TGIF1: variants seen among roughly 807,000 people sequenced by gnomAD.
TGIF1 encodes the protein TGFB induced factor homeobox 1.
A neutral mutation model predicts 19.3 loss-of-function variants in TGIF1; 4 were observed. The ratio of observed to expected loss-of-function variants is 0.21; its 90% CI spans 0.10 to 0.47. The LOEUF (loss-of-function observed/expected upper bound fraction) is 0.47, where lower values mean the gene tolerates loss of function less well. TGIF1 is among the 20% of genes least tolerant of loss of function. The pLI is 0.98. For missense variants in TGIF1, 275 were observed against 341.4 expected, an observed-to-expected ratio of 0.81 and a Z score of 1.53; for synonymous variants, 122 against 129.3, an observed-to-expected ratio of 0.94 and a Z score of 0.38.
At chr18:3,449,804 G>A (rs2082842702), upstream of TGIF1, 8 of 985,066 alleles carry the variant, frequency 8.1e-6, no homozygotes, top group Non-Finnish European at 9.6e-6. Flanking sequence ...GGGTGGAGGA[G>A]GGAAGGAGGG....
In TGIF1 at chr18:3,451,770, T is replaced by C; in HGVS notation, c.16+1265T>C. 2 of 1,254,816 alleles carry C rather than the reference T, an allele frequency of 1.6e-6. No homozygotes were observed. Among genetic ancestry groups the C allele is most frequent in the South Asian group, 3.5e-5 (1 of 28,566 alleles). 77.7% of individuals were successfully genotyped at this position (1,254,816 alleles called of 1,614,324 possible). ...TGAAACTCGGATCAACTGGCAGTCGTTGTTGGTAGAACGCCCTAAGGACCC... is the reference window on the plus strand; with the variant it reads ...TGAAACTCGGATCAACTGGCAGTCGCTGTTGGTAGAACGCCCTAAGGACCC... On this transcript the variant is annotated intron_variant, in intron 1 of 2. Coordinates refer to ENST00000343820, the MANE Select transcript of TGIF1 (RefSeq NM_003244.4). The surrounding 1 kb of genome is among the most constrained non-coding windows in gnomAD (Gnocchi z 5.4).
In TGIF1 at chr18:3,451,477, C is replaced by T; in HGVS notation, c.16+972C>T. On this transcript the variant is annotated intron_variant, in intron 1 of 2. Coordinates refer to ENST00000343820, the MANE Select transcript of TGIF1 (RefSeq NM_003244.4). The surrounding 1 kb of genome is among the most constrained non-coding windows in gnomAD (Gnocchi z 5.4). ...GTGTTCCGCTGTGGGCTGGAGGTGG[C>T]GTTTCTGTCGTGATTTATGTGGAGT... 1 of 987,872 alleles carries T rather than the reference C, an allele frequency of 1.0e-6. No individual in the cohort carries two copies. Among genetic ancestry groups the T allele is most frequent in the Non-Finnish European group, 1.2e-6 (1 of 831,702 alleles). 61.2% of individuals were successfully genotyped at this position (987,872 alleles called of 1,614,324 possible).
intron 2 of TGIF1, among the ~76,000 whole-genome samples, chr18:3,422,418 A>C (rs1377821259): frequency 6.6e-6 from 1 of 151,552 alleles, no homozygotes; most frequent in Non-Finnish European, 1.5e-5. Flanking sequence ...TGTTGTGACA[A>C]AGTCAAAAAG....
rs2082926029 is a variant in TGIF1 at position 3,451,492 on chromosome 18, T to C, written c.16+987T>C. On this transcript the variant is annotated intron_variant, in intron 1 of 2. Transcript: ENST00000343820. The surrounding 1 kb of genome is among the most constrained non-coding windows in gnomAD (Gnocchi z 5.4). ...CTGGAGGTGGCGTTTCTGTCGTGAT[T>C]TATGTGGAGTGGTTCAAAACAGAAG... The C allele has an allele frequency of 2.0e-6, 2 of 988,652 alleles. No homozygotes were observed. The highest frequency in any genetic ancestry group is 9.4e-5 in the South Asian group (2 of 21,366). The allele number at this position is 988,652 out of a possible 1,614,324, so 61.2% of individuals were successfully genotyped here. A position where few individuals can be genotyped will look rare whatever the true frequency, so the allele number is the denominator to read the frequency against.
intron 1 of TGIF1, among the ~76,000 whole-genome samples, chr18:3,453,361 C>A (rs1036603732): frequency 2.6e-5 from 4 of 152,098 alleles, no homozygotes; most frequent in African/African-American, 9.7e-5. Flanking sequence ...TCCCTGCCTC[C>A]CTGTCTCATG....
intron 2 of TGIF1, among the ~76,000 whole-genome samples, chr18:3,422,062 T>G (rs2143138030): frequency 6.6e-6 from 1 of 151,454 alleles, no homozygotes; most frequent in African/African-American, 2.4e-5. Context: ...GGCGTGGAGG[T>G]GGTCACCTGT....
chr18:3,426,454 T>C (rs8087999), intron 2 of TGIF1, among the ~76,000 whole-genome samples: 17,869 of 151,956 alleles, frequency 0.12, 1,332 homozygotes, highest in African/African-American at 0.22. Context: ...CAGGCATGAG[T>C]CACTGCCCCT....
chr18:3,428,424 A>AT (rs964375557), intron 2 of TGIF1, among the ~76,000 whole-genome samples: 19 of 151,240 alleles, frequency 1.3e-4, no homozygotes, highest in Admixed American at 7.9e-4. Context: ...TTTAATTAAA[A>AT]TTTTTTTTTT....
chr18:3,443,452 G>T (rs2082699451), intron 2 of TGIF1, among the ~76,000 whole-genome samples: 2 of 151,288 alleles, frequency 1.3e-5, no homozygotes, highest in Admixed American at 1.3e-4. Flanking sequence ...TTGTCTCCCA[G>T]ACTGGACAAC....
chr18:3,427,046 C>T (rs1046345694), intron 2 of TGIF1, among the ~76,000 whole-genome samples: 75 of 151,402 alleles, frequency 5.0e-4, no homozygotes, highest in Admixed American at 1.4e-3. Flanking sequence ...CGGGTTCAAG[C>T]GATTCTCCTG....
intron 2 of TGIF1, among the ~76,000 whole-genome samples, chr18:3,431,157 T>TA (rs1357051111): frequency 5.3e-5 from 8 of 152,110 alleles, no homozygotes; most frequent in African/African-American, 1.7e-4. Flanking sequence ...AAATAAATAA[T>TA]AATAGCAGGT....
chr18:3,453,349 TCTCCCTGC>T (rs2083049801), intron 1 of TGIF1, among the ~76,000 whole-genome samples: 1 of 152,056 alleles, frequency 6.6e-6, no homozygotes, highest in African/African-American at 2.4e-5. Flanking sequence ...ACAACCGGTG[TCTCCCTGC>T]CTCCCTGTCT....
At chr18:3,432,349 T>C (rs760684381) in intron 2 of TGIF1, among the ~76,000 whole-genome samples, 17 of 152,186 alleles carry the variant, frequency 1.1e-4, no homozygotes, top group Non-Finnish European at 2.2e-4. Flanking sequence ...AGAGATATGC[T>C]TACTCAATAC....
At chr18:3,441,453 G>A (rs1045150275) in intron 2 of TGIF1, among the ~76,000 whole-genome samples, 8 of 152,032 alleles carry the variant, frequency 5.3e-5, no homozygotes, top group African/African-American at 1.7e-4. Flanking sequence ...CTTGGTGTGG[G>A]GGCTGTGGTG....
chr18:3,443,400 GATA>G (rs973424714), intron 2 of TGIF1, among the ~76,000 whole-genome samples: 2 of 151,802 alleles, frequency 1.3e-5, no homozygotes, highest in African/African-American at 2.4e-5. Context: ...GTAAGGTGGG[GATA>G]ATAATACTTT....
At chr18:3,423,321 A>C (rs1293037178) in intron 2 of TGIF1, among the ~76,000 whole-genome samples, 1 of 152,092 alleles carries the variant, frequency 6.6e-6, no homozygotes, top group African/African-American at 2.4e-5. Context: ...CTGTGGCAGG[A>C]GGGTCCCTTG....
At chr18:3,423,458 T>C (rs2143148927) in intron 2 of TGIF1, among the ~76,000 whole-genome samples, 1 of 152,012 alleles carries the variant, frequency 6.6e-6, no homozygotes, top group South Asian at 2.1e-4. Flanking sequence ...GGCGGGCAGA[T>C]CACGAGGTCA....
intron 1 of TGIF1, among the ~76,000 whole-genome samples, chr18:3,454,105 T>C (rs1283398151): frequency 2.0e-5 from 3 of 152,208 alleles, no homozygotes; most frequent in East Asian, 3.8e-4. Context: ...TGTGCACATA[T>C]TGGAAATATT....
chr18:3,416,130 T>C (rs760971386), intron 1 of TGIF1, among the ~76,000 whole-genome samples: 3 of 152,266 alleles, frequency 2.0e-5, no homozygotes, highest in Non-Finnish European at 4.4e-5. Context: ...GACCTTCTTG[T>C]ACATGAATCT....
Sources: allele counts gnomAD v4.1 joint callset (sites outside exome capture counted in the v4.1 genomes callset), GRCh38; gene constraint gnomAD v4.1.1; non-coding constraint Gnocchi (gnomAD v3.1); transcripts MANE v1.5; gene names NCBI Gene and HGNC (gene_info 2026-07-23, HGNC 2026-07-21).